Variants in ABCA9 observed in about 807,000 individuals in gnomAD.
ABCA9 encodes ATP binding cassette subfamily A member 9, also known as ATP-binding cassette sub-family A member 9.
In ABCA9, 183 loss-of-function variants were observed where a neutral mutation model predicts 205.3. The ratio of observed to expected loss-of-function variants is 0.89; its 90% CI spans 0.79 to 1.01. The LOEUF (loss-of-function observed/expected upper bound fraction) is 1.01. Ranked by LOEUF, ABCA9 falls within the 50% of genes least tolerant of loss-of-function variation. The pLI is 0.00. For missense variants in ABCA9, 1,805 were observed against 1,912.4 expected (o/e 0.94, Z 1.05); for synonymous variants, 651 against 683.3 (o/e 0.95, Z 0.74).
At chr17:69,030,917 T>G (rs2071130340) in intron 10 of ABCA9, among the ~76,000 whole-genome samples, 1 of 152,210 alleles carries the variant, frequency 6.6e-6, no homozygotes, top group African/African-American at 2.4e-5. Flanking sequence ...TGAGTCCAGC[T>G]GGCTTCACCT....
In ABCA9 at chr17:69,028,519, A is replaced by G. The variant is rs1187595431; in HGVS notation, c.1615+16T>C. On this transcript the variant is annotated intron_variant, in intron 12 of 38. Transcript: ENST00000340001. ...TGTTTGTCCAGGTACTTGTCCTTGG[A>G]TAACTGTCTTCTTACCTGATGTTGG... 6.5e-7 allele frequency: 1 copy of G among 1,529,418 alleles called. No individual in the cohort carries two copies. Among genetic ancestry groups the G allele is most frequent in the South Asian group, 1.2e-5 (1 of 85,540 alleles). 94.7% of individuals were successfully genotyped at this position (1,529,418 alleles called of 1,614,324 possible).
At chr17:69,014,121 TAC>T (rs979372799) in intron 22 of ABCA9, among the ~76,000 whole-genome samples, 2 of 152,194 alleles carry the variant, frequency 1.3e-5, no homozygotes, top group African/African-American at 4.8e-5. Flanking sequence ...CTCAGTGGGC[TAC>T]AGTTTCCTCA....
chr17:69,003,025 T>C (rs532928974), intron 25 of ABCA9, among the ~76,000 whole-genome samples: 3 of 150,142 alleles, frequency 2.0e-5, no homozygotes, highest in East Asian at 3.9e-4. Context: ...GCATGTGAGA[T>C]AGGTTTCCTG....
In ABCA9 at chr17:69,020,603, A is replaced by G. The variant is rs1418884748; in HGVS notation, c.2402-17T>C. ...TTCCAATATCTAAAACATAAGATCAATATTTTATAAAGTGCCATTTTAGTT... is the reference window on the plus strand; with the variant it reads ...TTCCAATATCTAAAACATAAGATCAGTATTTTATAAAGTGCCATTTTAGTT... On this transcript the variant is annotated splice_polypyrimidine_tract_variant and intron_variant, in intron 18 of 38. Coordinates refer to ENST00000340001, the MANE Select transcript of ABCA9 (RefSeq NM_080283.4). The G allele has an allele frequency of 3.7e-6, 6 of 1,602,600 alleles. No homozygotes were observed. The highest frequency in any genetic ancestry group is 2.2e-5 in the South Asian group (2 of 89,790).
intron 23 of ABCA9, among the ~76,000 whole-genome samples, chr17:69,010,247 A>C (rs1392267747): frequency 6.6e-6 from 1 of 152,124 alleles, no homozygotes; most frequent in East Asian, 1.9e-4. Flanking sequence ...AGCTCATATA[A>C]TAGTTATGGG....
chr17:69,077,847 G>T, the ABCA9 span, among the ~76,000 whole-genome samples: 1 of 151,490 alleles, frequency 6.6e-6, no homozygotes, highest in Non-Finnish European at 1.5e-5. Context: ...CTATTTTTAA[G>T]GGAAAGAATA....
At chr17:68,992,868 TGCAC>T in intron 27 of ABCA9, 144 bp downstream of exon 27, 1 of 591,990 alleles carries the variant, frequency 1.7e-6, no homozygotes, top group Non-Finnish European at 3.0e-6. Context: ...TGTGTGTGTG[TGCAC>T]GCATGCATGC....
At chr17:68,986,058 A>G in intron 32 of ABCA9, 106 bp downstream of exon 32, 2 of 1,156,998 alleles carry the variant, frequency 1.7e-6, no homozygotes, top group Non-Finnish European at 1.2e-6. Context: ...ATCTTCTCCC[A>G]CAAGCATGGG....
intron 27 of ABCA9, 78 bp downstream of exon 27, chr17:68,992,938 A>G: frequency 8.4e-7 from 1 of 1,191,646 alleles, no homozygotes; most frequent in Non-Finnish European, 1.2e-6. Flanking sequence ...TCTTAATTTG[A>G]TGCAATTCAG....
In ABCA9 at chr17:69,027,685, C is replaced by CATTT. The variant is rs755531239; in HGVS notation, c.1745_1746insAAAT (p.Phe583AsnfsTer4). 1 of 1,613,416 alleles carries CATTT rather than the reference C, an allele frequency of 6.2e-7. No homozygotes were observed. The highest frequency in any genetic ancestry group is 8.5e-7 in the Non-Finnish European group (1 of 1,179,874). On this transcript the variant is annotated frameshift_variant, in exon 13 of 39. Coordinates refer to ENST00000340001, the MANE Select transcript of ABCA9 (RefSeq NM_080283.4). LOFTEE classifies it high-confidence loss of function. ...GCAAAATCCCTTTTATTTTAGCAAA[C>CATTT]AGCCTGAGGTTTTCTTTCACAGTGA...
intron 10 of ABCA9, 43 bp downstream of exon 10, chr17:69,032,065 C>T: frequency 1.9e-6 from 3 of 1,558,818 alleles, no homozygotes; most frequent in Non-Finnish European, 1.7e-6. Context: ...TCCCCAGTCT[C>T]TGCCTGTTCT....
In ABCA9 at chr17:68,984,135, C is replaced by T. The variant is rs750463155; in HGVS notation, c.4420G>A (p.Ala1474Thr). 9 of 1,614,014 alleles carry T rather than the reference C, an allele frequency of 5.6e-6. No individual in the cohort carries two copies. The highest frequency in any genetic ancestry group is 4.0e-5 in the African/African-American group (3 of 74,916). Reference sequence around the variant, plus strand: ...GCCATGTAGTGGGTGGTCAGGAGGGCGCCCCTCTCCGTGTTTCTAAAGGTG... The same window carrying T: ...GCCATGTAGTGGGTGGTCAGGAGGGTGCCCCTCTCCGTGTTTCTAAAGGTG... ...RATFRNTERG[A>T]LLTTHYMAEA... Residue 1474 changes from alanine to threonine, a missense_variant, in exon 35 of 39, where the codon GCC becomes ACC. Transcript: ENST00000340001.
chr17:69,027,770 A>G lies in ABCA9; in HGVS notation c.1661T>C (p.Ile554Thr), dbSNP rs1003660731. 13 of 1,612,622 alleles carry G rather than the reference A, an allele frequency of 8.1e-6. No homozygotes were observed. The highest frequency in any genetic ancestry group is 2.2e-5 in the East Asian group (1 of 44,778). ...YNHTLSRMADIENISKFTGFC... is the reference protein window; with the variant it reads ...YNHTLSRMADTENISKFTGFC... ...TCCAGTGAACTTGCTGATATTTTCTATATCAGCCATTCTTGAAAGTGTGTG... is the reference window on the plus strand; with the variant it reads ...TCCAGTGAACTTGCTGATATTTTCTGTATCAGCCATTCTTGAAAGTGTGTG... The change falls in exon 13 of 39, where the codon ATA becomes ACA. Residue 554 changes from isoleucine (I) to threonine (T), a missense_variant. Physicochemically the swap from Ile to Thr is moderately conservative, Grantham distance 89. Transcript: ENST00000340001.
At chr17:69,055,210 T>A (rs2072032796) in intron 1 of ABCA9, among the ~76,000 whole-genome samples, 1 of 152,144 alleles carries the variant, frequency 6.6e-6, no homozygotes, top group Non-Finnish European at 1.5e-5. Flanking sequence ...ACAGAGATTG[T>A]CAGAGTAGAT....
At chr17:68,979,316 C>T (rs532442295) in intron 37 of ABCA9, among the ~76,000 whole-genome samples, 3 of 152,222 alleles carry the variant, frequency 2.0e-5, no homozygotes, top group African/African-American at 7.2e-5. Flanking sequence ...GTTCCATGCT[C>T]ATGGGTAGGA....
rs149455692 is a variant in ABCA9, at chr17:69,023,924, A to G, written c.2281+290T>C. On this transcript the variant is annotated intron_variant, in intron 17 of 38. Transcript: ENST00000340001. This position sits in a 1 kb window ranked among gnomAD's most constrained non-coding sequence, Gnocchi z 4.2. ...CACTCTCTCATTCATTACTGAAACA[A>G]ATTTTCCAAATAATTCTTATTTTAT... is the stretch of plus-strand genomic sequence containing the variant. Among the ~76,000 whole-genome samples, 490 of 152,140 alleles carry G rather than the reference A, an allele frequency of 3.2e-3. 1 individual carries two copies. Among genetic ancestry groups the G allele is most frequent in the Non-Finnish European group, 5.6e-3 (378 of 67,994 alleles).
chr17:69,027,039 C>G lies in ABCA9; in HGVS notation c.1987G>C (p.Gly663Arg), dbSNP rs754125835. 5.6e-6 allele frequency: 9 copies of G among 1,614,146 alleles called. No homozygotes were observed. The highest frequency in any genetic ancestry group is 6.8e-6 in the Non-Finnish European group (8 of 1,179,994). ...AAGAGAATTACTCTGTCTGATTTCC[C>G]CTCTTTCAGGAGATTCCATATTCGG... is the stretch of plus-strand genomic sequence containing the variant. ...RHRIWNLLKE[G>R]KSDRVILFST... Residue 663 changes from glycine (G) to arginine (R), a missense_variant, in exon 15 of 39, where the codon GGG becomes CGG. Physicochemically the swap from Gly to Arg is moderately radical, Grantham distance 125. Coordinates refer to ENST00000340001, the MANE Select transcript of ABCA9 (RefSeq NM_080283.4).
rs8066758 is a variant in ABCA9, at chr17:69,028,658, T to A, written c.1505-13A>T. 0.66 allele frequency: 921,856 copies of A among 1,399,716 alleles called. 304,768 individuals are homozygous for A. Among genetic ancestry groups the A allele is most frequent in the African/African-American group, 0.73 (50,098 of 68,368 alleles). The allele number at this position is 1,399,716 out of a possible 1,614,324, so 86.7% of individuals were successfully genotyped here. A position where few individuals can be genotyped will look rare whatever the true frequency, so the allele number is the denominator to read the frequency against. ...TCAAACACCACACCTGGCATGATTT[T>A]AAAAAAAATTACACTCAGAGCCTAC... On this transcript the variant is annotated splice_polypyrimidine_tract_variant and intron_variant, in intron 11 of 38. Transcript: ENST00000340001.
upstream of ABCA9, among the ~76,000 whole-genome samples, chr17:69,062,534 G>A (rs189974509): frequency 1.3e-4 from 19 of 151,580 alleles, no homozygotes; most frequent in East Asian, 1.7e-3. Flanking sequence ...ATTTTGAGAC[G>A]GAGTTTCCCT....
Sources: allele counts gnomAD v4.1 joint callset (sites outside exome capture counted in the v4.1 genomes callset), GRCh38; gene constraint gnomAD v4.1.1; non-coding constraint Gnocchi (gnomAD v3.1); transcripts MANE v1.5; gene names NCBI Gene and HGNC (gene_info 2026-07-23, HGNC 2026-07-21).